The following NINL variants were observed in gnomAD, a reference collection of about 807,000 sequenced individuals.
NINL encodes ninein like, also known as ninein-like protein.
Under a neutral mutation model 160.3 loss-of-function variants are expected in NINL, and 153 were observed. The ratio of observed to expected loss-of-function variants is 0.95; its 90% CI spans 0.84 to 1.09. The LOEUF is 1.09. Ranked by LOEUF, NINL falls within the 50% of genes least tolerant of loss-of-function variation. NINL has a pLI of 0.00. For missense variants in NINL, 1,829 were observed against 1,764.0 expected (o/e 1.04, Z -0.66); for synonymous variants, 800 against 734.8 (o/e 1.09, Z -1.43).
chr20:25,518,079 T>C (rs1222074048), intron 2 of NINL, among the ~76,000 whole-genome samples: 8 of 152,232 alleles, frequency 5.3e-5, no homozygotes, highest in Admixed American at 5.2e-4. Context: ...ATCAACAATT[T>C]TGTAAATCAA....
At chr20:25,566,975 GA>G (rs2065005017) in intron 1 of NINL, among the ~76,000 whole-genome samples, 2 of 111,116 alleles carry the variant, frequency 1.8e-5, no homozygotes. Flanking sequence ...GCAACACAGT[GA>G]GACAAAAAAA....
Position 25,500,978 on chromosome 20 carries a change from T to G in NINL, c.894A>C (p.Thr298=). 1.2e-6 allele frequency: 2 copies of G among 1,614,050 alleles called. No homozygotes were observed. The highest frequency in any genetic ancestry group is 1.7e-6 in the Non-Finnish European group (2 of 1,180,006). Reference sequence around the variant, plus strand: ...AGCACAGGGACACGAGGGATGAGGTTGTGGTGGTGTGGCAGCCGCTCTCCT... The same window carrying G: ...AGCACAGGGACACGAGGGATGAGGTGGTGGTGGTGTGGCAGCCGCTCTCCT... ...VPEESGCHTT[T]TSSLVSLCSS... Residue 298 remains threonine (T), a synonymous_variant, in exon 8 of 24, where the codon ACA becomes ACC. Transcript: ENST00000278886.
At chr20:25,454,812 G>T (rs1157909070) in intron 23 of NINL, among the ~76,000 whole-genome samples, 1 of 152,134 alleles carries the variant, frequency 6.6e-6, no homozygotes, top group East Asian at 1.9e-4. Context: ...AACATCTACA[G>T]ACCAGGTGAG....
chr20:25,556,817 G>T (rs2064872555), intron 1 of NINL, among the ~76,000 whole-genome samples: 4 of 152,018 alleles, frequency 2.6e-5, no homozygotes, highest in Admixed American at 2.0e-4. Flanking sequence ...ACATATATAA[G>T]GGCCAATAAT....
chr20:25,517,473 C>A (rs761347483), intron 3 of NINL, among the ~76,000 whole-genome samples: 1 of 152,234 alleles, frequency 6.6e-6, no homozygotes, highest in Non-Finnish European at 1.5e-5. Context: ...TGTGTCCCAG[C>A]AGCCCTGTCC....
chr20:25,491,623 CT>C, intron 10 of NINL, 98 bp from the exon 11 acceptor site: 1 of 1,433,404 alleles, frequency 7.0e-7, no homozygotes. Flanking sequence ...AGAAACGCCC[CT>C]GTCCTCAGCA....
chr20:25,465,895 A>G (rs2062901588), intron 19 of NINL, among the ~76,000 whole-genome samples: 1 of 152,186 alleles, frequency 6.6e-6, no homozygotes, highest in South Asian at 2.1e-4. Context: ...ATATGAGGTA[A>G]CTACTGCTAA....
intron 22 of NINL, 101 bp downstream of exon 22, chr20:25,458,280 CAT>C: frequency 1.4e-6 from 2 of 1,414,508 alleles, no homozygotes; most frequent in Non-Finnish European, 2.0e-6. Context: ...ATACGTGACT[CAT>C]GTATTCACAG....
intron 1 of NINL, among the ~76,000 whole-genome samples, chr20:25,557,210 G>C (rs1481676911): frequency 1.3e-5 from 2 of 152,134 alleles, no homozygotes; most frequent in Non-Finnish European, 1.5e-5. Flanking sequence ...CAAGAATGCT[G>C]GAGAGACCAT....
Position 25,572,553 on chromosome 20 carries a change from T to G in NINL, c.-12+12902A>C, listed in dbSNP as rs770590058. Among the ~76,000 whole-genome samples, 21 of 152,310 alleles carry G rather than the reference T, an allele frequency of 1.4e-4. No individual in the cohort carries two copies. In the South Asian group the frequency reaches 2.1e-3, roughly 15 times the overall value. ...TTACCCATTTTACAGGTGAGGAAAT[T>G]GAGCCACAGAAGAGGCTAAGCAATT... On this transcript the variant is annotated intron_variant, in intron 1 of 23. Coordinates refer to ENST00000278886, the MANE Select transcript of NINL (RefSeq NM_025176.6).
At chr20:25,565,079 AC>A (rs2064985681) in intron 1 of NINL, among the ~76,000 whole-genome samples, 1 of 152,220 alleles carries the variant, frequency 6.6e-6, no homozygotes, top group Admixed American at 6.5e-5. Context: ...AAGTTTTGTT[AC>A]ATCTCCAAAA....
chr20:25,578,083 C>T (rs1022649812), intron 1 of NINL, among the ~76,000 whole-genome samples: 6 of 151,304 alleles, frequency 4.0e-5, no homozygotes, highest in African/African-American at 7.3e-5. Context: ...CTGCCTGCCT[C>T]GGCCTCCCAA....
At chr20:25,473,279 T>C (rs2063149208) in intron 17 of NINL, among the ~76,000 whole-genome samples, 1 of 152,106 alleles carries the variant, frequency 6.6e-6, no homozygotes, top group East Asian at 1.9e-4. Context: ...TGTACAAATA[T>C]ATACATTTTC....
intron 13 of NINL, among the ~76,000 whole-genome samples, chr20:25,484,772 G>A (rs1156536913): frequency 2.0e-5 from 3 of 152,208 alleles, no homozygotes; most frequent in Non-Finnish European, 4.4e-5. Flanking sequence ...ACTGAATCAG[G>A]CAAGAATCAC....
Position 25,494,526 on chromosome 20 carries a change from T to C in NINL, c.1310+2137A>G, listed in dbSNP as rs1027251063. Among the ~76,000 whole-genome samples the C allele has an allele frequency of 2.0e-5, 3 of 152,166 alleles. No individual in the cohort carries two copies. The East Asian group carries it at 5.8e-4, about 29-fold the overall frequency. On this transcript the variant is annotated intron_variant, in intron 10 of 23. Transcript: ENST00000278886. The stretch of plus-strand genomic sequence containing the variant: ...ACTCACACTAACTCCCCACACCATG[T>C]AGAGGCACATGTAGATCTGGACCTG...
intron 1 of NINL, among the ~76,000 whole-genome samples, chr20:25,560,496 G>A (rs1378040148): frequency 6.6e-6 from 1 of 152,196 alleles, no homozygotes; most frequent in Non-Finnish European, 1.5e-5. Flanking sequence ...GTGCCACGAT[G>A]GGCACAGGCA....
At chr20:25,492,040 G>A (rs2146697782) in intron 10 of NINL, among the ~76,000 whole-genome samples, 1 of 152,268 alleles carries the variant, frequency 6.6e-6, no homozygotes, top group East Asian at 1.9e-4. Flanking sequence ...GAAAAACAGT[G>A]TTCAACGCTC....
At chr20:25,474,840 C>CA (rs2063191736) in intron 17 of NINL, among the ~76,000 whole-genome samples, 1 of 150,844 alleles carries the variant, frequency 6.6e-6, no homozygotes, top group Non-Finnish European at 1.5e-5. Flanking sequence ...GGCTGAAGTG[C>CA]AGTGGCGCGA....
In NINL at chr20:25,574,838, A is replaced by C. The variant is rs573931908; in HGVS notation, c.-12+10617T>G. 3.4e-3 allele frequency among the ~76,000 whole-genome samples: 516 copies of C among 152,166 alleles called. 3 individuals are homozygous for C. Among genetic ancestry groups the C allele is most frequent in the Non-Finnish European group, 6.0e-3 (410 of 67,988 alleles). On this transcript the variant is annotated intron_variant, in intron 1 of 23. Transcript: ENST00000278886. ...AAATGTCACATGCAAAGCTCCTAGG[A>C]GTCTTCTTTTTTCCCACCTCCTCAC...
Sources: gnomAD v4.1 joint callset for allele counts (sites outside exome capture counted in the v4.1 genomes callset) on GRCh38, gnomAD v4.1.1 for gene constraint, MANE v1.5 for transcripts, NCBI Gene and HGNC (gene_info 2026-07-23, HGNC 2026-07-21) for gene names.